Variants in ADGRB2 observed in about 807,000 individuals in gnomAD.
ADGRB2 encodes brain-specific angiogenesis inhibitor 2.
ADGRB2 carries 47 observed loss-of-function variants against 178.7 expected under a neutral mutation model. The ratio of observed to expected loss-of-function variants is 0.26; its 90% CI spans 0.21 to 0.34. The LOEUF (loss-of-function observed/expected upper bound fraction) is 0.34. ADGRB2 is among the 10% of genes least tolerant of loss of function. The pLI is 1.00. For synonymous variants in ADGRB2, 870 were observed against 912.4 expected (o/e 0.95, Z 0.84); for missense variants, 1,584 against 2,180.8 (o/e 0.73, Z 5.45).
At position 31,742,132 on chromosome 1, in the gene ADGRB2, G is replaced by A; in HGVS notation, c.1338C>T (p.Cys446=). 1 of 1,613,596 alleles carries A rather than the reference G, an allele frequency of 6.2e-7. No homozygotes were observed. Among genetic ancestry groups the A allele is most frequent in the South Asian group, 1.1e-5 (1 of 91,060 alleles). Residue 446 remains cysteine (C), a synonymous_variant, in exon 8 of 33, where the codon TGC becomes TGT. Coordinates refer to ENST00000373658, the MANE Select transcript of ADGRB2 (RefSeq NM_001364857.2). ...ANGTQQRSRK[C]SVAGPAWATC... ...TGGCCCAGGCTGGGCCCGCCACGCT[G>A]CACTTCCGGCTGCGCTGTTGGGTCC...
In ADGRB2 at chr1:31,736,657, T is replaced by A; in HGVS notation, c.3046A>T (p.Thr1016Ser). 2 of 1,614,010 alleles carry A rather than the reference T, an allele frequency of 1.2e-6. No homozygotes were observed. Among genetic ancestry groups the A allele is most frequent in the Non-Finnish European group, 1.7e-6 (2 of 1,179,978 alleles). The change falls in exon 21 of 33, where the codon ACC becomes TCC. Residue 1016 changes from threonine to serine, a missense_variant. Around this residue, in one of 3 missense-constraint regions of ADGRB2, gnomAD observed 865 missense variants for 1,192.8 expected, o/e 0.73. Coordinates refer to ENST00000373658, the MANE Select transcript of ADGRB2 (RefSeq NM_001364857.2). ...GCCAGGTAGGACTGCCAGGCCTCGG[T>A]AAGCACCCAGCAAAAGGAGGAGAGA... ...FFLSSFCWVL[T>S]EAWQSYLAVI...
chr1:31,735,063 A>C lies in ADGRB2; in HGVS notation c.3452+120T>G. 1 of 1,009,232 alleles carries C rather than the reference A, an allele frequency of 9.9e-7. No homozygotes were observed. The highest frequency in any genetic ancestry group is 1.3e-6 in the Non-Finnish European group (1 of 743,742). 62.5% of individuals were successfully genotyped at this position (1,009,232 alleles called of 1,614,324 possible). ...TGAGAGTGTGTGGTGGCTGGCAGGA[A>C]AGGGCAAGCTTTCCAGGGCACTGGG... is the stretch of plus-strand genomic sequence containing the variant. On this transcript the variant is annotated intron_variant, in intron 25 of 32. Coordinates refer to ENST00000373658, the MANE Select transcript of ADGRB2 (RefSeq NM_001364857.2). This position sits in a 1 kb window ranked among gnomAD's most constrained non-coding sequence, Gnocchi z 6.0.
Position 31,736,498 on chromosome 1 carries a change from G to A in ADGRB2, c.3130+75C>T, listed in dbSNP as rs1645614553. 2.5e-6 allele frequency: 4 copies of A among 1,598,864 alleles called. No homozygotes were observed. The Admixed American group carries it at 5.1e-5, about 20-fold the overall frequency. On this transcript the variant is annotated intron_variant, in intron 21 of 32. Transcript: ENST00000373658. ...CCCTGTGCCCAGAGAGCTGGGCCAG[G>A]GCCAAAGCTGAACCTCTCTTGCTGC... is the stretch of plus-strand genomic sequence containing the variant.
intron 15 of ADGRB2, 83 bp downstream of exon 15, chr1:31,739,225 G>T: frequency 7.4e-7 from 1 of 1,352,052 alleles, no homozygotes; most frequent in Non-Finnish European, 9.9e-7. Context: ...TCTCTCTGCA[G>T]CCAGCACTGG....
At chr1:31,737,583 T>C (rs1236037366) in intron 19 of ADGRB2, 52 bp from the exon 20 acceptor site, 1 of 1,610,762 alleles carries the variant, frequency 6.2e-7, no homozygotes, top group South Asian at 1.1e-5. Flanking sequence ...CCATCCGACC[T>C]GGTGTGGCTG....
chr1:31,756,884 A>G lies in ADGRB2; in HGVS notation c.22-69T>C. ...CATGGGCTCTGAACCTTCTATGGTG[A>G]GCTGCGGGAGTGGGCCTCATAAGTT... On this transcript the variant is annotated intron_variant, in intron 3 of 32. Coordinates refer to ENST00000373658, the MANE Select transcript of ADGRB2 (RefSeq NM_001364857.2). This position sits in a 1 kb window ranked among gnomAD's most constrained non-coding sequence, Gnocchi z 8.5. 1 of 1,392,494 alleles carries G rather than the reference A, an allele frequency of 7.2e-7. No homozygotes were observed. Among genetic ancestry groups the G allele is most frequent in the Non-Finnish European group, 9.5e-7 (1 of 1,048,112 alleles). The allele number at this position is 1,392,494 out of a possible 1,614,324, so 86.3% of individuals were successfully genotyped here. A position where few individuals can be genotyped will look rare whatever the true frequency, so the allele number is the denominator to read the frequency against.
chr1:31,732,042 C>T, intron 28 of ADGRB2, 73 bp downstream of exon 28: 1 of 1,594,310 alleles, frequency 6.3e-7, no homozygotes, highest in Non-Finnish European at 8.6e-7. Flanking sequence ...CAGGGCCTCC[C>T]ATGATGGGGC....
chr1:31,749,480 C>A (rs980537655), intron 4 of ADGRB2, among the ~76,000 whole-genome samples: 1 of 152,230 alleles, frequency 6.6e-6, no homozygotes, highest in Non-Finnish European at 1.5e-5. Context: ...TGCTGTGTAC[C>A]CTTGGGCAAG....
chr1:31,729,617 T>TG (rs1232420790), intron 29 of ADGRB2, among the ~76,000 whole-genome samples: 1 of 152,182 alleles, frequency 6.6e-6, no homozygotes, highest in Non-Finnish European at 1.5e-5. Flanking sequence ...CTCACACCAA[T>TG]GGAATACACT....
Position 31,755,621 on chromosome 1 carries a change from C to T in ADGRB2, c.838+378G>A, listed in dbSNP as rs1646793051. On this transcript the variant is annotated intron_variant, in intron 4 of 32. Transcript: ENST00000373658. The surrounding 1 kb of genome is among the most constrained non-coding windows in gnomAD (Gnocchi z 5.1). ...AGGGCCTGCCACGATCATTCCCAGC[C>T]TTGGGCCTTTGTGCACCCTTCTTGC... 6.6e-6 allele frequency among the ~76,000 whole-genome samples: 1 copy of T among 152,050 alleles called. No homozygotes were observed. Among genetic ancestry groups the T allele is most frequent in the Admixed American group, 6.6e-5 (1 of 15,266 alleles).
At chr1:31,746,292 A>C (rs1646268702) in intron 4 of ADGRB2, among the ~76,000 whole-genome samples, 1 of 152,028 alleles carries the variant, frequency 6.6e-6, no homozygotes, top group Admixed American at 6.5e-5. Context: ...TTCTCTTCAC[A>C]GCCTCCACCC....
In ADGRB2 at chr1:31,738,825, C is replaced by T. The variant is rs1324675214; in HGVS notation, c.2601+7G>A. On this transcript the variant is annotated splice_region_variant and intron_variant, in intron 16 of 32. Coordinates refer to ENST00000373658, the MANE Select transcript of ADGRB2 (RefSeq NM_001364857.2). ...CACCCAAGGTCTCTGCATGGATCTC[C>T]ACTCACATTGATGATGTAGGAGAGC... 6.2e-7 allele frequency: 1 copy of T among 1,613,856 alleles called. No individual in the cohort carries two copies. Among genetic ancestry groups the T allele is most frequent in the South Asian group, 1.1e-5 (1 of 91,066 alleles).
rs1447612578 is a variant in ADGRB2, at chr1:31,740,240, C to G, written c.1990-62G>C. 1.9e-6 allele frequency: 3 copies of G among 1,610,482 alleles called. No homozygotes were observed. Among genetic ancestry groups the G allele is most frequent in the African/African-American group, 1.3e-5 (1 of 74,858 alleles). ...CCCAGGGAACAGGGGGCTTCCCCCA[C>G]TATAGCCACACTTGCCGCCTCTACA... On this transcript the variant is annotated intron_variant, in intron 12 of 32. Transcript: ENST00000373658. The surrounding 1 kb of genome is among the most constrained non-coding windows in gnomAD (Gnocchi z 5.9).
Position 31,756,121 on chromosome 1 carries a change from G to A in ADGRB2, c.716C>T (p.Pro239Leu), listed in dbSNP as rs773249211. 4.3e-6 allele frequency: 7 copies of A among 1,613,840 alleles called. No homozygotes were observed. The highest frequency in any genetic ancestry group is 5.1e-6 in the Non-Finnish European group (6 of 1,179,956). The change falls in exon 4 of 33, where the codon CCA becomes CTA. Residue 239 changes from proline to leucine, a missense_variant. Coordinates refer to ENST00000373658, the MANE Select transcript of ADGRB2 (RefSeq NM_001364857.2). This position sits in a 1 kb window ranked among gnomAD's most constrained non-coding sequence, Gnocchi z 8.5. ...AGAGSTTTTS[P>L]GPPAAHTLSN... ...CAGGGTGTGGGCAGCAGGAGGGCCT[G>A]GAGATGTGGTGGTGGTGGAGCCGGC...
chr1:31,759,377 C>T lies in ADGRB2; in HGVS notation c.-190-1866G>A, dbSNP rs1646974047. ...TGACAGCTAAGTGTCAGGCAGGATC[C>T]TCTGCGGGGTCTTCCTTTGCATGTC... is the stretch of plus-strand genomic sequence containing the variant. On this transcript the variant is annotated intron_variant, in intron 1 of 32. Transcript: ENST00000373658. This position sits in a 1 kb window ranked among gnomAD's most constrained non-coding sequence, Gnocchi z 4.3. 4 of 779,576 alleles carry T rather than the reference C, an allele frequency of 5.1e-6. No individual in the cohort carries two copies. The South Asian group carries it at 5.4e-5, about 10-fold the overall frequency. 48.3% of individuals were successfully genotyped at this position (779,576 alleles called of 1,614,324 possible).
chr1:31,746,054 C>G (rs559583430), intron 4 of ADGRB2, among the ~76,000 whole-genome samples: 1 of 152,260 alleles, frequency 6.6e-6, no homozygotes, highest in African/African-American at 2.4e-5. Context: ...GTGAATTAAC[C>G]CTGGATCCCA....
At position 31,727,990 on chromosome 1, in the gene ADGRB2, G is replaced by A. The variant is rs756919491; in HGVS notation, c.4572+35C>T. 11 of 1,531,048 alleles carry A rather than the reference G, an allele frequency of 7.2e-6. No homozygotes were observed. In the South Asian group the frequency reaches 1.2e-4, roughly 17 times the overall value. The allele number at this position is 1,531,048 out of a possible 1,614,324, so 94.8% of individuals were successfully genotyped here. The stretch of plus-strand genomic sequence containing the variant: ...GGCAGGGAGGGCACGGGTCCCTCAG[G>A]CCCACCTCACCCCACCCAGCCCGGG... On this transcript the variant is annotated intron_variant, in intron 32 of 32. Coordinates refer to ENST00000373658, the MANE Select transcript of ADGRB2 (RefSeq NM_001364857.2). This position sits in a 1 kb window ranked among gnomAD's most constrained non-coding sequence, Gnocchi z 4.4.
chr1:31,763,782 GGGTTAGGAGAGC>G, intron 1 of ADGRB2, 90 bp downstream of exon 1: 1 of 984,334 alleles, frequency 1.0e-6, no homozygotes, highest in Non-Finnish European at 1.2e-6. Context: ...CAGCAGAGAC[GGGTTAGGAGAGC>G]GCCCCGAGTC....
At chr1:31,736,862 C>T in intron 20 of ADGRB2, 139 bp from the exon 21 acceptor site, 8 of 1,328,482 alleles carry the variant, frequency 6.0e-6, no homozygotes, top group East Asian at 5.1e-5. Flanking sequence ...GCCAGGCACC[C>T]CCGCCTTCCT....
Sources: gnomAD v4.1 joint callset for allele counts (sites outside exome capture counted in the v4.1 genomes callset) on GRCh38, gnomAD v4.1.1 for gene constraint, gnomAD v4.1.1 regional missense constraint, Gnocchi (gnomAD v3.1) non-coding constraint, MANE v1.5 for transcripts, NCBI Gene and HGNC (gene_info 2026-07-23, HGNC 2026-07-21) for gene names.